The following TMEM217 variants were observed in gnomAD, a reference collection of about 807,000 sequenced individuals.
TMEM217 encodes chromosome 6 open reading frame 128.
For missense variants in TMEM217, 204 were observed against 248.8 expected (o/e 0.82, Z 1.21); for synonymous variants, 76 against 88.3 (o/e 0.86, Z 0.78).
downstream of TMEM217, among the ~76,000 whole-genome samples, chr6:37,215,778 T>G (rs938199633): frequency 1.3e-5 from 2 of 151,806 alleles, no homozygotes; most frequent in Admixed American, 6.6e-5. Context: ...GGGCATTAAC[T>G]AGGCAGAAAA....
At chr6:37,252,708 C>T (rs1159438585) in intron 1 of TMEM217, among the ~76,000 whole-genome samples, 4 of 146,842 alleles carry the variant, frequency 2.7e-5, no homozygotes, top group East Asian at 2.0e-4. Flanking sequence ...GGCACAATCT[C>T]GGCTCCCTGC....
chr6:37,231,511 A>G (rs1474861932), intron 1 of TMEM217, among the ~76,000 whole-genome samples: 1 of 150,334 alleles, frequency 6.7e-6, no homozygotes, highest in Admixed American at 6.6e-5. Flanking sequence ...CGTCTTCACT[A>G]AAAATACAAA....
At chr6:37,257,268 T>C (rs1765804200) in intron 1 of TMEM217, among the ~76,000 whole-genome samples, 2 of 152,174 alleles carry the variant, frequency 1.3e-5, no homozygotes, top group African/African-American at 4.8e-5. Flanking sequence ...TGATGAACCG[T>C]TGCTCACGTG....
intron 1 of TMEM217, among the ~76,000 whole-genome samples, chr6:37,228,699 G>A (rs891994013): frequency 1.8e-4 from 27 of 151,774 alleles, no homozygotes; most frequent in Admixed American, 1.8e-3. Context: ...GCAAGATTTC[G>A]TTTCAATAAT....
chr6:37,212,503 C>T (rs1248201889), exon 4 of TMEM217: 1 of 457,004 alleles, frequency 2.2e-6, no homozygotes, highest in East Asian at 6.9e-5. Flanking sequence ...GCGGCGTTTC[C>T]TGCCCACAGT....
chr6:37,242,685 T>C (rs148303418), intron 1 of TMEM217, among the ~76,000 whole-genome samples: 1 of 152,354 alleles, frequency 6.6e-6, no homozygotes, highest in East Asian at 1.9e-4. Flanking sequence ...CCTTCTCATG[T>C]ATCTAATACT....
chr6:37,236,574 A>C (rs1041418671), intron 1 of TMEM217, among the ~76,000 whole-genome samples: 2 of 152,158 alleles, frequency 1.3e-5, no homozygotes, highest in African/African-American at 4.8e-5. Context: ...TCAAATGCCC[A>C]GGCTTCAATC....
exon 1 of TMEM217, chr6:37,258,041 C>G: frequency 6.4e-7 from 1 of 1,556,072 alleles, no homozygotes; most frequent in Non-Finnish European, 8.7e-7. Context: ...TCCCTGAATC[C>G]CGCGGGCCTG....
intron 1 of TMEM217, among the ~76,000 whole-genome samples, chr6:37,230,740 C>T (rs1428179729): frequency 6.6e-6 from 1 of 152,110 alleles, no homozygotes; most frequent in Non-Finnish European, 1.5e-5. Flanking sequence ...GTTATAGAAG[C>T]CCTAGCAAAC....
chr6:37,257,728 T>G, exon 1 of TMEM217: 1 of 602,654 alleles, frequency 1.7e-6, no homozygotes, highest in East Asian at 3.2e-5. Flanking sequence ...GTCCACGGCT[T>G]GCGCAGCTCA....
At chr6:37,247,824 G>A (rs1765181604) in intron 1 of TMEM217, among the ~76,000 whole-genome samples, 1 of 152,184 alleles carries the variant, frequency 6.6e-6, no homozygotes, top group Admixed American at 6.5e-5. Flanking sequence ...TCAGTCACTA[G>A]TTGAGGGCTG....
At chr6:37,245,036 TCA>T (rs2113901093) in intron 1 of TMEM217, among the ~76,000 whole-genome samples, 1 of 152,276 alleles carries the variant, frequency 6.6e-6, no homozygotes, top group African/African-American at 2.4e-5. Flanking sequence ...AGCAAGCCAA[TCA>T]CACAAGTGCT....
chr6:37,216,633 G>A (rs1349334482), downstream of TMEM217, among the ~76,000 whole-genome samples: 4 of 152,190 alleles, frequency 2.6e-5, no homozygotes, highest in African/African-American at 9.7e-5. Context: ...GAGGATGGGA[G>A]CGGGGAAGAC....
chr6:37,222,834 C>G (rs564823748), intron 1 of TMEM217, among the ~76,000 whole-genome samples: 1 of 152,188 alleles, frequency 6.6e-6, no homozygotes, highest in Non-Finnish European at 1.5e-5. Flanking sequence ...GGGCTTCCAC[C>G]GGCTCCATGG....
chr6:37,232,442 G>A (rs1764254252), intron 1 of TMEM217, among the ~76,000 whole-genome samples: 1 of 152,168 alleles, frequency 6.6e-6, no homozygotes, highest in South Asian at 2.1e-4. Context: ...CTGGAGTGCA[G>A]TGGCACAATC....
At chr6:37,224,671 G>A (rs557025420) in intron 1 of TMEM217, among the ~76,000 whole-genome samples, 22 of 151,982 alleles carry the variant, frequency 1.4e-4, no homozygotes, top group African/African-American at 5.1e-4. Flanking sequence ...ACCCAGGCTG[G>A]TCTCAAACTC....
intron 1 of TMEM217, among the ~76,000 whole-genome samples, chr6:37,235,777 C>G (rs1307759128): frequency 1.3e-5 from 2 of 152,186 alleles, no homozygotes; most frequent in African/African-American, 4.8e-5. Flanking sequence ...TTGCTGTGTC[C>G]TCACAGGGAG....
chr6:37,238,306 G>C (rs1764595157), intron 1 of TMEM217, among the ~76,000 whole-genome samples: 1 of 152,008 alleles, frequency 6.6e-6, no homozygotes, highest in South Asian at 2.1e-4. Context: ...AAGTATTTTT[G>C]TTATCATTAT....
intron 1 of TMEM217, among the ~76,000 whole-genome samples, chr6:37,232,669 T>C (rs1383092404): frequency 6.6e-6 from 1 of 152,210 alleles, no homozygotes; most frequent in African/African-American, 2.4e-5. Flanking sequence ...TTTCCACATA[T>C]ACACTCCCTT....
Sources: allele counts gnomAD v4.1 joint callset (sites outside exome capture counted in the v4.1 genomes callset), GRCh38; gene constraint gnomAD v4.1.1; transcripts MANE v1.5; gene names NCBI Gene and HGNC (gene_info 2026-07-23, HGNC 2026-07-21).